The following ABCA1 variants were observed in gnomAD, a reference collection of about 807,000 sequenced individuals.
ABCA1 encodes the protein phospholipid-transporting ATPase ABCA1.
ABCA1 carries 133 observed loss-of-function variants against 262.5 expected under a neutral mutation model. That is an observed-to-expected ratio of 0.51 (90% CI 0.44 to 0.59). ABCA1 has a LOEUF of 0.59. Among genes scored for constraint, ABCA1 ranks in the 20% least tolerant of loss-of-function variants. ABCA1 has a pLI of 0.00. For missense variants in ABCA1, 2,452 were observed against 2,777.5 expected (o/e 0.88, Z 2.63); for synonymous variants, 1,022 against 1,043.5 (o/e 0.98, Z 0.40).
At chr9:104,811,772 G>A (rs1161845109) in intron 28 of ABCA1, among the ~76,000 whole-genome samples, 1 of 152,126 alleles carries the variant, frequency 6.6e-6, no homozygotes, top group Admixed American at 6.6e-5. Flanking sequence ...ATTATTTATG[G>A]TTGTGTTATC....
chr9:104,793,335 G>A (rs776657427), intron 40 of ABCA1, 35 bp from the exon 41 acceptor site: 2 of 1,613,924 alleles, frequency 1.2e-6, no homozygotes, highest in East Asian at 4.5e-5. Flanking sequence ...GGTCAGAATG[G>A]AGGGATCAAA....
At position 104,781,114 on chromosome 9, in the gene ABCA1, TTC is replaced by T. The variant is rs1225772561; in HGVS notation, c.*3199_*3200del. The stretch of plus-strand genomic sequence containing the variant: ...AAGTTATTGACATACAAAATTTTTT[TTC>T]TTTTTTCCTTTTAATGAAAATGATT... On this transcript the variant is annotated 3_prime_UTR_variant, in exon 50 of 50. Coordinates refer to ENST00000374736, the MANE Select transcript of ABCA1 (RefSeq NM_005502.4). The T allele has an allele frequency of 6.5e-5, 10 of 152,690 alleles. No individual in the cohort carries two copies. The highest frequency in any genetic ancestry group is 6.8e-3 in the Middle Eastern group (2 of 294). 9.5% of individuals were successfully genotyped at this position (152,690 alleles called of 1,614,324 possible).
At chr9:104,838,123 C>G (rs35545100) in intron 9 of ABCA1, among the ~76,000 whole-genome samples, 9,762 of 150,866 alleles carry the variant, frequency 0.065, 684 homozygotes, top group East Asian at 0.42. Context: ...GTTGGGAGTT[C>G]GAGACCAGCC....
intron 2 of ABCA1, 26 bp from the exon 3 acceptor site, chr9:104,889,221 T>C (rs1362371088): frequency 6.2e-7 from 1 of 1,610,214 alleles, no homozygotes; most frequent in Non-Finnish European, 8.5e-7. Context: ...GATAGAACAC[T>C]GTAAATTTAA....
intron 2 of ABCA1, among the ~76,000 whole-genome samples, chr9:104,891,593 C>A (rs1186202739): frequency 6.6e-6 from 1 of 151,966 alleles, no homozygotes; most frequent in Non-Finnish European, 1.5e-5. Context: ...ACTGCATGAT[C>A]ACGCCACTGC....
chr9:104,926,543 C>G (rs1334167978), intron 1 of ABCA1, among the ~76,000 whole-genome samples: 2 of 152,132 alleles, frequency 1.3e-5, no homozygotes, highest in Non-Finnish European at 2.9e-5. Flanking sequence ...CCGGTCTTCA[C>G]CGGATTCACA....
intron 1 of ABCA1, among the ~76,000 whole-genome samples, chr9:104,920,678 A>C (rs1365877880): frequency 6.6e-6 from 1 of 152,066 alleles, no homozygotes; most frequent in Non-Finnish European, 1.5e-5. Flanking sequence ...CGCCCAGCTA[A>C]TTTTTGTATT....
intron 8 of ABCA1, among the ~76,000 whole-genome samples, chr9:104,843,872 T>C (rs1439205847): frequency 6.6e-6 from 1 of 152,154 alleles, no homozygotes; most frequent in East Asian, 1.9e-4. Flanking sequence ...AGGTGTTCTA[T>C]TGAAAGAGGC....
rs755486255 is a variant in ABCA1 at position 104,858,473 on chromosome 9, T to G, written c.720+49A>C. The stretch of plus-strand genomic sequence containing the variant: ...TGCTGTCCAAGGAAAAGCCTCACAT[T>G]CCGAAAGCATTAGTGCTTGAAGTTT... On this transcript the variant is annotated intron_variant, in intron 7 of 49. Transcript: ENST00000374736. 24 of 1,582,992 alleles carry G rather than the reference T, an allele frequency of 1.5e-5. No homozygotes were observed. In the African/African-American group the frequency reaches 2.8e-4, roughly 19 times the overall value.
rs375516748 is a variant in ABCA1 at position 104,821,931 on chromosome 9, A to G, written c.2829-425T>C. On this transcript the variant is annotated intron_variant, in intron 19 of 49. Transcript: ENST00000374736. ...CATAATATATTAATTCTATGTTTTA[A>G]AAAAAGATTAAAAAGAAAACAGGAA... 1.4e-4 allele frequency among the ~76,000 whole-genome samples: 22 copies of G among 152,306 alleles called. No homozygotes were observed. The South Asian group carries it at 4.6e-3, about 32-fold the overall frequency.
At chr9:104,843,557 G>C (rs970589386) in intron 8 of ABCA1, among the ~76,000 whole-genome samples, 5 of 152,166 alleles carry the variant, frequency 3.3e-5, no homozygotes, top group Non-Finnish European at 7.3e-5. Flanking sequence ...TAACTCATTG[G>C]GTGACTGGAA....
intron 31 of ABCA1, among the ~76,000 whole-genome samples, chr9:104,805,859 C>G (rs1326404280): frequency 1.3e-5 from 2 of 152,212 alleles, no homozygotes; most frequent in Non-Finnish European, 2.9e-5. Context: ...AATCCCAGCA[C>G]TTTGGGAGGC....
Position 104,901,550 on chromosome 9 carries a change from G to A in ABCA1, c.66+2064C>T, listed in dbSNP as rs572107028. 9.3e-4 allele frequency among the ~76,000 whole-genome samples: 142 copies of A among 152,294 alleles called. 1 individual carries two copies. Among genetic ancestry groups the A allele is most frequent in the African/African-American group, 3.3e-3 (138 of 41,556 alleles). ...AGGGGCAGGAGCCCTGGATCACACT[G>A]TAGCAAAGGAATAAGAGTAAGGACG... On this transcript the variant is annotated intron_variant, in intron 2 of 49. Transcript: ENST00000374736.
At chr9:104,858,281 C>G (rs184006872) in intron 7 of ABCA1, among the ~76,000 whole-genome samples, 1 of 151,906 alleles carries the variant, frequency 6.6e-6, no homozygotes, top group Non-Finnish European at 1.5e-5. Context: ...GAAACAAGCA[C>G]AAAAAACTTT....
Position 104,822,504 on chromosome 9 carries a change from C to T in ABCA1, c.2820G>A (p.Thr940=), listed in dbSNP as rs779685980. 30 of 1,613,300 alleles carry T rather than the reference C, an allele frequency of 1.9e-5. No homozygotes were observed. The East Asian group carries it at 3.6e-4, about 19-fold the overall frequency. The change falls in exon 19 of 50, where the codon ACG becomes ACA. Residue 940 remains threonine, a synonymous_variant. Transcript: ENST00000374736. ...CCACACCCTCTTCTTACATGGTGGTCGTCTTCCCCGCTCCATTGTGGCCCA... is the reference window on the plus strand; with the variant it reads ...CCACACCCTCTTCTTACATGGTGGTTGTCTTCCCCGCTCCATTGTGGCCCA... ...SFLGHNGAGK[T]TTMSILTGLF...
intron 9 of ABCA1, among the ~76,000 whole-genome samples, chr9:104,837,848 G>A (rs914867689): frequency 1.5e-4 from 23 of 152,286 alleles, no homozygotes; most frequent in African/African-American, 2.9e-4. Context: ...CGTCAATGAC[G>A]GATAACTCAC....
In ABCA1 at chr9:104,846,701, G is replaced by T. The variant is rs1417020475; in HGVS notation, c.721-1132C>A. Among the ~76,000 whole-genome samples the T allele has an allele frequency of 2.0e-5, 3 of 152,186 alleles. No individual in the cohort carries two copies. The East Asian group carries it at 5.8e-4, about 29-fold the overall frequency. On this transcript the variant is annotated intron_variant, in intron 7 of 49. Transcript: ENST00000374736. ...GCCTAAAGGTTCTATGAAAGAACTT[G>T]TCCAGCTCATTCATCTCTTCTGGAA... is the stretch of plus-strand genomic sequence containing the variant.
chr9:104,802,658 G>A (rs4149321), intron 33 of ABCA1, among the ~76,000 whole-genome samples: 10,138 of 152,290 alleles, frequency 0.067, 427 homozygotes, highest in East Asian at 0.23. Flanking sequence ...GAGAAAAGAC[G>A]GAAATCAGTA....
chr9:104,785,514 A>G lies in ABCA1; in HGVS notation c.6527T>C (p.Leu2176Pro), dbSNP rs763757017. Residue 2176 changes from leucine (L) to proline (P), a missense_variant, in exon 49 of 50, where the codon CTA becomes CCA. Coordinates refer to ENST00000374736, the MANE Select transcript of ABCA1 (RefSeq NM_005502.4). ...SVLKEKHRNM[L>P]QYQLPSSLSS... is the part of the protein sequence containing the mutation. ...TAATGAAGATGGAAGCTGGTATTGTAGCATGTTCCGGTGTTTCTCTTTTAG... is the reference window on the plus strand; with the variant it reads ...TAATGAAGATGGAAGCTGGTATTGTGGCATGTTCCGGTGTTTCTCTTTTAG... 2 of 1,600,196 alleles carry G rather than the reference A, an allele frequency of 1.2e-6. No individual in the cohort carries two copies. The highest frequency in any genetic ancestry group is 1.7e-6 in the Non-Finnish European group (2 of 1,171,766).
Sources: gnomAD v4.1 joint callset for allele counts (sites outside exome capture counted in the v4.1 genomes callset) on GRCh38, gnomAD v4.1.1 for gene constraint, MANE v1.5 for transcripts, NCBI Gene and HGNC (gene_info 2026-07-23, HGNC 2026-07-21) for gene names.